Variants in ADCY1 observed in about 807,000 individuals in gnomAD.
ADCY1 encodes the protein adenylate cyclase 1.
In ADCY1, 28 loss-of-function variants were observed where a neutral mutation model predicts 105.4. The ratio of observed to expected loss-of-function variants is 0.27; its 90% CI spans 0.20 to 0.36. ADCY1 has a LOEUF of 0.36. ADCY1 is among the 10% of genes least tolerant of loss of function. The pLI, the probability that ADCY1 is intolerant of heterozygous loss-of-function variation, is 1.00. For synonymous variants in ADCY1, 655 were observed against 623.8 expected (o/e 1.05, Z -0.75); for missense variants, 977 against 1,434.2 (o/e 0.68, Z 5.15).
intron 19 of ADCY1, among the ~76,000 whole-genome samples, chr7:45,711,954 A>G (rs1465524181): frequency 9.1e-4 from 89 of 98,262 alleles, no homozygotes; most frequent in African/African-American, 3.1e-3. Context: ...TACATATTAT[A>G]TTAAATATAT....
At chr7:45,614,894 A>G (rs1793695610) in intron 3 of ADCY1, among the ~76,000 whole-genome samples, 1 of 152,234 alleles carries the variant, frequency 6.6e-6, no homozygotes. Flanking sequence ...CATTGACAGA[A>G]CTGTAAAAAG....
rs2116259631 is a variant in ADCY1 at position 45,703,623 on chromosome 7, C to T, written c.2595C>T (p.Ser865=). The change falls in exon 16 of 20, where the codon TCC becomes TCT. Residue 865 remains serine, a synonymous_variant. Transcript: ENST00000297323. The surrounding 1 kb of genome is among the most constrained non-coding windows in gnomAD (Gnocchi z 5.9). The part of the protein sequence containing the change: ...RNMDLYYQSY[S]QVGVMFASIP... ...AGGACCTCTACTACCAGTCCTACTC[C>T]CAGGTGGGCGTCATGTTTGCCTCCA... 6.2e-7 allele frequency: 1 copy of T among 1,612,930 alleles called. No individual in the cohort carries two copies. The highest frequency in any genetic ancestry group is 8.5e-7 in the Non-Finnish European group (1 of 1,179,362).
intron 4 of ADCY1, among the ~76,000 whole-genome samples, chr7:45,633,936 G>A (rs1794330998): frequency 6.6e-6 from 1 of 151,998 alleles, no homozygotes; most frequent in South Asian, 2.1e-4. Context: ...TAATGTTATT[G>A]GTAAGGTTTC....
intron 2 of ADCY1, among the ~76,000 whole-genome samples, chr7:45,607,500 A>T (rs906079356): frequency 3.9e-5 from 6 of 152,178 alleles, no homozygotes; most frequent in African/African-American, 1.4e-4. Flanking sequence ...TTACGTTGAT[A>T]TACTGTGTGA....
At chr7:45,687,274 C>T (rs1224814399) in intron 14 of ADCY1, among the ~76,000 whole-genome samples, 2 of 152,222 alleles carry the variant, frequency 1.3e-5, no homozygotes, top group Non-Finnish European at 1.5e-5. Flanking sequence ...GACATGCTTT[C>T]CTGAAGTCTG....
chr7:45,686,279 ATATGCACTACAGGC>A lies in ADCY1; in HGVS notation c.2327+66_2327+79del. 1 of 1,561,860 alleles carries A rather than the reference ATATGCACTACAGGC, an allele frequency of 6.4e-7. No homozygotes were observed. The highest frequency in any genetic ancestry group is 8.7e-7 in the Non-Finnish European group (1 of 1,151,752). ...GGTGCTACTGAATCTGTGTATACAG[ATATGCACTACAGGC>A]TTCTGAGTCCAGAACTAGTCAAGTT... is the stretch of plus-strand genomic sequence containing the variant. On this transcript the variant is annotated intron_variant, in intron 13 of 19. Coordinates refer to ENST00000297323, the MANE Select transcript of ADCY1 (RefSeq NM_021116.4). The surrounding 1 kb of genome is among the most constrained non-coding windows in gnomAD (Gnocchi z 4.3).
intron 2 of ADCY1, among the ~76,000 whole-genome samples, chr7:45,607,445 A>T (rs1037053196): frequency 3.3e-5 from 5 of 152,154 alleles, no homozygotes; most frequent in African/African-American, 1.2e-4. Context: ...TTTGTTTTTT[A>T]AATTTTAACC....
intron 17 of ADCY1, among the ~76,000 whole-genome samples, chr7:45,705,885 AG>A (rs1785108263): frequency 6.6e-6 from 1 of 152,230 alleles, no homozygotes; most frequent in African/African-American, 2.4e-5. Flanking sequence ...AATATATAAA[AG>A]CTCATCATTT....
chr7:45,693,126 A>G (rs1784813830), intron 14 of ADCY1, among the ~76,000 whole-genome samples: 1 of 152,242 alleles, frequency 6.6e-6, no homozygotes, highest in Admixed American at 6.5e-5. Context: ...CGCTGGACAG[A>G]AAATCAGTGA....
intron 19 of ADCY1, 64 bp from the exon 20 acceptor site, chr7:45,713,629 G>A: frequency 1.4e-6 from 1 of 729,862 alleles, no homozygotes. Flanking sequence ...GGAGTGTTTT[G>A]GTCTCTTCCC....
intron 19 of ADCY1, among the ~76,000 whole-genome samples, chr7:45,711,004 CTTGT>C (rs1453443308): frequency 8.5e-5 from 13 of 152,086 alleles, no homozygotes; most frequent in Non-Finnish European, 1.6e-4. Flanking sequence ...GAAGGGCTTT[CTTGT>C]GTGTTTGAAG....
At chr7:45,695,723 G>A (rs1784868141) in intron 14 of ADCY1, among the ~76,000 whole-genome samples, 1 of 152,236 alleles carries the variant, frequency 6.6e-6, no homozygotes, top group Admixed American at 6.5e-5. Context: ...CCCACAGTGT[G>A]GACTGTTCGT....
Position 45,703,637 on chromosome 7 carries a change from T to C in ADCY1, c.2609T>C (p.Met870Thr). The C allele has an allele frequency of 6.2e-7, 1 of 1,613,322 alleles. No homozygotes were observed. The highest frequency in any genetic ancestry group is 8.5e-7 in the Non-Finnish European group (1 of 1,179,600). ...CAGTCCTACTCCCAGGTGGGCGTCATGTTTGCCTCCATCCCCAACTTCAAT... is the reference window on the plus strand; with the variant it reads ...CAGTCCTACTCCCAGGTGGGCGTCACGTTTGCCTCCATCCCCAACTTCAAT... ...YYQSYSQVGV[M>T]FASIPNFNDF... The change falls in exon 16 of 20, where the codon ATG (methionine) becomes ACG (threonine). Residue 870 changes from methionine to threonine, a missense_variant. Physicochemically the swap from Met to Thr is moderately conservative, Grantham distance 81 (BLOSUM62 -1). Transcript: ENST00000297323. This position sits in a 1 kb window ranked among gnomAD's most constrained non-coding sequence, Gnocchi z 5.9.
Position 45,591,828 on chromosome 7 carries a change from C to T in ADCY1, c.640-931C>T, listed in dbSNP as rs148824951. Among the ~76,000 whole-genome samples, 1,401 of 152,234 alleles carry T rather than the reference C, an allele frequency of 9.2e-3. 13 individuals carry two copies. Among genetic ancestry groups the T allele is most frequent in the African/African-American group, 0.031 (1,307 of 41,520 alleles). On this transcript the variant is annotated intron_variant, in intron 1 of 19. Transcript: ENST00000297323. The surrounding 1 kb of genome is among the most constrained non-coding windows in gnomAD (Gnocchi z 4.1). ...CCCTGGGTCAGGCTGGCCCCAGGTGCCTGATGCCTGGGTCTGAGCCTGGTT... is the reference window on the plus strand; with the variant it reads ...CCCTGGGTCAGGCTGGCCCCAGGTGTCTGATGCCTGGGTCTGAGCCTGGTT...
At position 45,678,222 on chromosome 7, in the gene ADCY1, G is replaced by A. The variant is rs755508735; in HGVS notation, c.1857G>A (p.Leu619=). The A allele has an allele frequency of 3.1e-6, 5 of 1,614,018 alleles. No homozygotes were observed. The highest frequency in any genetic ancestry group is 1.1e-5 in the South Asian group (1 of 91,076). ...GCGCCGTTGTCCTCACCCTCATCCT[G>A]GCTGCCTTATTTGGCCTTGTCTACC... ...FTSAVVLTLI[L]AALFGLVYLL... The change falls in exon 10 of 20, where the codon CTG becomes CTA. Residue 619 remains leucine, a synonymous_variant. Transcript: ENST00000297323.
intron 2 of ADCY1, among the ~76,000 whole-genome samples, chr7:45,595,440 G>A (rs140414807): frequency 1.9e-4 from 29 of 152,282 alleles, no homozygotes; most frequent in African/African-American, 6.0e-4. Flanking sequence ...CTCTCTGTGA[G>A]GACTTGTCAC....
intron 8 of ADCY1, among the ~76,000 whole-genome samples, chr7:45,669,435 T>A (rs1784323329): frequency 6.6e-6 from 1 of 152,188 alleles, no homozygotes; most frequent in African/African-American, 2.4e-5. Context: ...TGTAGTTGAG[T>A]GGTTTTAAGT....
At chr7:45,638,710 G>A (rs1794459054) in intron 4 of ADCY1, among the ~76,000 whole-genome samples, 1 of 151,580 alleles carries the variant, frequency 6.6e-6, no homozygotes, top group African/African-American at 2.4e-5. Flanking sequence ...TCCCTCAGAT[G>A]TGCTCACGTT....
intron 6 of ADCY1, 114 bp from the exon 7 acceptor site, chr7:45,659,928 C>G (rs1562711810): frequency 7.4e-7 from 1 of 1,344,330 alleles, no homozygotes; most frequent in Non-Finnish European, 1.0e-6. Context: ...CCCCGTGGAG[C>G]CTGCCCTGGT....
Sources: gnomAD v4.1 joint callset for allele counts (sites outside exome capture counted in the v4.1 genomes callset) on GRCh38, gnomAD v4.1.1 for gene constraint, Gnocchi (gnomAD v3.1) non-coding constraint, MANE v1.5 for transcripts, NCBI Gene and HGNC (gene_info 2026-07-23, HGNC 2026-07-21) for gene names.